The following OPA1 variants were observed in gnomAD, a reference collection of about 807,000 sequenced individuals.
The protein encoded by OPA1 is OPA1 mitochondrial dynamin like GTPase.
A neutral mutation model predicts 152.9 loss-of-function variants in OPA1; 59 were observed. The ratio of observed to expected loss-of-function variants is 0.39; its 90% CI spans 0.31 to 0.48. The LOEUF (loss-of-function observed/expected upper bound fraction) is 0.48, where lower values mean the gene tolerates loss of function less well. Among genes scored for constraint, OPA1 ranks in the 20% least tolerant of loss-of-function variants. OPA1 has a pLI of 0.96. For missense variants in OPA1, 1,008 were observed against 1,216.8 expected (o/e 0.83, Z 2.55); for synonymous variants, 400 against 389.9 (o/e 1.03, Z -0.31).
chr3:193,668,678 T>G (rs1460274634), intron 29 of OPA1: 7 of 1,429,594 alleles, frequency 4.9e-6, no homozygotes, highest in Non-Finnish European at 5.6e-6. Context: ...AACAGCCCCA[T>G]GTGAACCCAT....
chr3:193,597,295 T>C (rs1725755273), intron 1 of OPA1, among the ~76,000 whole-genome samples: 1 of 152,102 alleles, frequency 6.6e-6, no homozygotes, highest in Non-Finnish European at 1.5e-5. Context: ...GGTGTCAACA[T>C]TGTCAGGTAT....
intron 5 of OPA1, 86 bp from the exon 6 acceptor site, chr3:193,618,782 CT>C: frequency 9.3e-7 from 1 of 1,079,912 alleles, no homozygotes; most frequent in South Asian, 1.3e-5. Flanking sequence ...ATCCATTCAC[CT>C]TTTCATTGAC....
At chr3:193,611,327 G>A (rs968145813) in intron 1 of OPA1, among the ~76,000 whole-genome samples, 26 of 152,174 alleles carry the variant, frequency 1.7e-4, no homozygotes, top group African/African-American at 5.5e-4. Flanking sequence ...GGTTGGGCAC[G>A]ATGGCTCACG....
intron 23 of OPA1, 88 bp downstream of exon 23, chr3:193,657,320 T>A: frequency 1.7e-6 from 2 of 1,201,304 alleles, no homozygotes; most frequent in Non-Finnish European, 2.4e-6. Context: ...TTTATATGAC[T>A]AAATTACATT....
rs1160551128 is a variant in OPA1, at chr3:193,667,257, G to A, written c.2960G>A (p.Arg987His). The A allele has an allele frequency of 2.5e-6, 4 of 1,587,300 alleles. No homozygotes were observed. The highest frequency in any genetic ancestry group is 2.6e-6 in the Non-Finnish European group (3 of 1,155,756). The change falls in exon 29 of 31, where the codon CGC becomes CAC. Residue 987 changes from arginine (R) to histidine (H), a missense_variant. Physicochemically the swap from Arg to His is conservative, Grantham distance 29 (BLOSUM62 0). This residue lies in a region of OPA1 where 137 missense variants were observed against 171.0 expected (regional missense o/e 0.80). Coordinates refer to ENST00000361510, the MANE Select transcript of OPA1 (RefSeq NM_130837.3). Reference sequence around the variant, plus strand: ...AAGATTAAATTGCTTACTGGTAAACGCGTTCAACTGGCGGAAGACCTCAGT... The same window carrying A: ...AAGATTAAATTGCTTACTGGTAAACACGTTCAACTGGCGGAAGACCTCAGT... Reference protein sequence around the residue: ...EKKIKLLTGKRVQLAEDLKKV... With the variant: ...EKKIKLLTGKHVQLAEDLKKV...
intron 7 of OPA1, among the ~76,000 whole-genome samples, chr3:193,630,585 A>C (rs1462756457): frequency 6.6e-6 from 1 of 152,222 alleles, no homozygotes; most frequent in Admixed American, 6.5e-5. Context: ...GTGATTGCTT[A>C]AATAACCAAT....
chr3:193,605,584 G>T (rs75533065), intron 1 of OPA1, among the ~76,000 whole-genome samples: 1 of 152,180 alleles, frequency 6.6e-6, no homozygotes, highest in East Asian at 1.9e-4. Context: ...AAGATCAGGG[G>T]TATTACAGGC....
chr3:193,626,277 A>G (rs918993448), intron 7 of OPA1, 75 bp downstream of exon 7: 5 of 998,920 alleles, frequency 5.0e-6, no homozygotes, highest in East Asian at 2.4e-5. Flanking sequence ...TGTCACCTCA[A>G]TCTGTTCATG....
At chr3:193,681,208 C>T (rs1192599987) in intron 29 of OPA1, among the ~76,000 whole-genome samples, 1 of 152,022 alleles carries the variant, frequency 6.6e-6, no homozygotes, top group Non-Finnish European at 1.5e-5. Flanking sequence ...AAATATTGTC[C>T]CTCTATGGCC....
intron 7 of OPA1, 112 bp downstream of exon 7, chr3:193,626,314 A>T: frequency 1.3e-6 from 1 of 781,626 alleles, no homozygotes. Flanking sequence ...AATTAATTTG[A>T]CAAAGTGAAA....
At chr3:193,617,961 A>G (rs1729334109) in intron 5 of OPA1, 124 bp downstream of exon 5, 9 of 721,218 alleles carry the variant, frequency 1.2e-5, no homozygotes, top group South Asian at 1.0e-4. Flanking sequence ...AAACCCCAGA[A>G]CTATATTAGG....
At chr3:193,688,499 G>T (rs1721246150) in intron 29 of OPA1, among the ~76,000 whole-genome samples, 2 of 60,918 alleles carry the variant, frequency 3.3e-5, no homozygotes, top group South Asian at 8.4e-4. Context: ...TTTTTTTTGA[G>T]ACAGAGTCTC....
chr3:193,647,243 C>T, intron 19 of OPA1, 63 bp downstream of exon 19: 2 of 997,832 alleles, frequency 2.0e-6, no homozygotes, highest in South Asian at 2.7e-5. Context: ...CAATCTTTGG[C>T]ATCCATACGA....
At chr3:193,653,371 G>T (rs1321467397) in intron 21 of OPA1, among the ~76,000 whole-genome samples, 1 of 152,172 alleles carries the variant, frequency 6.6e-6, no homozygotes, top group Non-Finnish European at 1.5e-5. Context: ...CACCAGAGAA[G>T]TTCAGCTGGG....
At chr3:193,690,811 A>G (rs1302356565) in intron 29 of OPA1, among the ~76,000 whole-genome samples, 2 of 152,244 alleles carry the variant, frequency 1.3e-5, no homozygotes, top group Non-Finnish European at 2.9e-5. Context: ...TTTTGCCTCT[A>G]GGTCACTCAC....
At chr3:193,618,792 A>T in intron 5 of OPA1, 77 bp from the exon 6 acceptor site, 1 of 1,144,834 alleles carries the variant, frequency 8.7e-7, no homozygotes, top group Admixed American at 1.7e-5. Context: ...CTTTTCATTG[A>T]CTCGATGTAA....
At chr3:193,631,583 A>T in intron 7 of OPA1, 29 bp from the exon 8 acceptor site, 1 of 1,547,176 alleles carries the variant, frequency 6.5e-7, no homozygotes, top group South Asian at 1.1e-5. Context: ...ACCTAATTCT[A>T]TTCAACTAAA....
chr3:193,630,054 A>G (rs1731830991), intron 7 of OPA1, among the ~76,000 whole-genome samples: 1 of 152,204 alleles, frequency 6.6e-6, no homozygotes, highest in East Asian at 1.9e-4. Context: ...TTTTATGACC[A>G]CACTATTACA....
intron 23 of OPA1, among the ~76,000 whole-genome samples, chr3:193,658,390 CTT>C (rs1311538076): frequency 1.3e-5 from 2 of 151,884 alleles, no homozygotes; most frequent in African/African-American, 4.8e-5. Context: ...TAATAAATAA[CTT>C]TTATGATTTT....
Sources: gnomAD v4.1 joint callset for allele counts (sites outside exome capture counted in the v4.1 genomes callset) on GRCh38, gnomAD v4.1.1 for gene constraint, gnomAD v4.1.1 regional missense constraint, MANE v1.5 for transcripts, NCBI Gene and HGNC (gene_info 2026-07-23, HGNC 2026-07-21) for gene names.